SLC35F1: variants seen among roughly 807,000 people sequenced by gnomAD.
SLC35F1 encodes solute carrier family 35 member F1, also known as chromosome 6 open reading frame 169.
Under a neutral mutation model 48.7 loss-of-function variants are expected in SLC35F1, and 14 were observed. That is an observed-to-expected ratio of 0.29 (90% CI 0.19 to 0.45). The LOEUF is 0.45. Ranked by LOEUF, SLC35F1 falls within the 20% of genes least tolerant of loss-of-function variation. SLC35F1 has a pLI of 1.00. For synonymous variants in SLC35F1, 190 were observed against 202.2 expected, an observed-to-expected ratio of 0.94 and a Z score of 0.51; for missense variants, 404 against 500.0, an observed-to-expected ratio of 0.81 and a Z score of 1.83.
chr6:117,989,124 A>C (rs746770391), intron 1 of SLC35F1, among the ~76,000 whole-genome samples: 42 of 152,142 alleles, frequency 2.8e-4, no homozygotes, highest in Non-Finnish European at 4.4e-4. Flanking sequence ...TCACCTCTGA[A>C]AGGGTCATTG....
intron 1 of SLC35F1, among the ~76,000 whole-genome samples, chr6:118,120,497 G>A (rs1296266088): frequency 6.6e-6 from 1 of 152,076 alleles, no homozygotes; most frequent in African/African-American, 2.4e-5. Context: ...AAACTTAGGA[G>A]GGAAAGATTT....
At chr6:118,072,357 G>T (rs894471111) in intron 1 of SLC35F1, among the ~76,000 whole-genome samples, 1 of 152,144 alleles carries the variant, frequency 6.6e-6, no homozygotes, top group Non-Finnish European at 1.5e-5. Flanking sequence ...GAGGTCAGGA[G>T]ATCGAGACCA....
In SLC35F1 at chr6:117,995,241, G is replaced by T. The variant is rs376196903; in HGVS notation, c.173+87342G>T. Among the ~76,000 whole-genome samples the T allele has an allele frequency of 8.5e-5, 13 of 152,272 alleles. No individual in the cohort carries two copies. The East Asian group carries it at 1.5e-3, about 18-fold the overall frequency. On this transcript the variant is annotated intron_variant, in intron 1 of 7. Transcript: ENST00000360388. ...TTCTGCCATTTTCTACCACTGAAAT[G>T]TATTATAAAGCTGAGCATGTATTTT...
chr6:118,270,004 G>A (rs987150208), intron 4 of SLC35F1, among the ~76,000 whole-genome samples: 7 of 152,156 alleles, frequency 4.6e-5, no homozygotes, highest in African/African-American at 1.4e-4. Flanking sequence ...CTCTAGCCTG[G>A]GCAACAGAGC....
intron 1 of SLC35F1, among the ~76,000 whole-genome samples, chr6:118,096,335 G>A (rs1181490883): frequency 2.6e-4 from 40 of 152,146 alleles, no homozygotes; most frequent in African/African-American, 4.8e-5. Flanking sequence ...TTTAGTTAAC[G>A]CATAGCAGAA....
intron 1 of SLC35F1, among the ~76,000 whole-genome samples, chr6:117,948,897 T>A (rs1776327284): frequency 6.6e-6 from 1 of 151,910 alleles, no homozygotes; most frequent in Non-Finnish European, 1.5e-5. Flanking sequence ...CAGCAAAAGA[T>A]ATTCCAAGCA....
At chr6:118,092,530 G>C (rs140101153) in intron 1 of SLC35F1, among the ~76,000 whole-genome samples, 1,698 of 152,294 alleles carry the variant, frequency 0.011, 27 homozygotes, top group African/African-American at 0.039. Flanking sequence ...GTAGAGCTGT[G>C]AGAAGAGGGC....
At chr6:117,999,047 C>T (rs529646248) in intron 1 of SLC35F1, 33 of 1,477,078 alleles carry the variant, frequency 2.2e-5, no homozygotes, top group Admixed American at 1.5e-4. Flanking sequence ...CAAGAAACCC[C>T]GATCACAAAG....
At chr6:118,216,371 T>A (rs1448533640) in intron 2 of SLC35F1, among the ~76,000 whole-genome samples, 2 of 151,558 alleles carry the variant, frequency 1.3e-5, no homozygotes, top group Non-Finnish European at 2.9e-5. Flanking sequence ...TCAATCACTA[T>A]AGTCTTTAGA....
At chr6:118,144,901 T>C (rs1006139467) in intron 1 of SLC35F1, among the ~76,000 whole-genome samples, 1 of 152,162 alleles carries the variant, frequency 6.6e-6, no homozygotes, top group Non-Finnish European at 1.5e-5. Context: ...TTTCCTTATA[T>C]TTTTCTTCTC....
chr6:117,967,532 C>T (rs1193402574), intron 1 of SLC35F1, among the ~76,000 whole-genome samples: 3 of 152,112 alleles, frequency 2.0e-5, no homozygotes, highest in Non-Finnish European at 4.4e-5. Context: ...CTTAACACTT[C>T]AAGATAACGT....
At chr6:117,985,608 G>T (rs1485252487) in intron 1 of SLC35F1, among the ~76,000 whole-genome samples, 2 of 9,566 alleles carry the variant, frequency 2.1e-4, no homozygotes, top group Non-Finnish European at 4.4e-4. Flanking sequence ...TAGTTGAGTG[G>T]CATAACTATC....
intron 1 of SLC35F1, among the ~76,000 whole-genome samples, chr6:118,049,302 G>T (rs1448617208): frequency 2.6e-5 from 4 of 152,108 alleles, no homozygotes; most frequent in Non-Finnish European, 5.9e-5. Context: ...ACATAGGCAT[G>T]GGCAAGGACT....
At chr6:118,045,170 G>A (rs1772283190) in intron 1 of SLC35F1, among the ~76,000 whole-genome samples, 1 of 152,112 alleles carries the variant, frequency 6.6e-6, no homozygotes, top group African/African-American at 2.4e-5. Context: ...TTGACTTTGT[G>A]ATGTCAGAAT....
chr6:117,921,184 GAGTT>G (rs1775894437), intron 1 of SLC35F1, among the ~76,000 whole-genome samples: 1 of 152,042 alleles, frequency 6.6e-6, no homozygotes, highest in African/African-American at 2.4e-5. Flanking sequence ...GAGAGCTCAA[GAGTT>G]AGTTCAAGAA....
intron 1 of SLC35F1, among the ~76,000 whole-genome samples, chr6:118,084,560 C>G (rs1772957483): frequency 6.6e-6 from 1 of 152,052 alleles, no homozygotes. Context: ...GGAGATGAGG[C>G]AGGAACAAAA....
intron 2 of SLC35F1, among the ~76,000 whole-genome samples, chr6:118,188,339 C>T (rs1774687364): frequency 6.6e-6 from 1 of 152,200 alleles, no homozygotes; most frequent in African/African-American, 2.4e-5. Flanking sequence ...CACCCGAAGA[C>T]AGGCGTTCGA....
chr6:118,239,282 A>C (rs1222560131), intron 3 of SLC35F1, among the ~76,000 whole-genome samples: 1 of 150,254 alleles, frequency 6.7e-6, no homozygotes, highest in African/African-American at 2.5e-5. Context: ...AATTGTATAC[A>C]TTGATTTCCA....
At chr6:118,015,645 C>T (rs1163618840) in intron 1 of SLC35F1, among the ~76,000 whole-genome samples, 2 of 152,118 alleles carry the variant, frequency 1.3e-5, no homozygotes, top group Non-Finnish European at 2.9e-5. Context: ...TACTTCTTTT[C>T]ACCCATTCTG....
Sources: gnomAD v4.1 joint callset for allele counts (sites outside exome capture counted in the v4.1 genomes callset) on GRCh38, gnomAD v4.1.1 for gene constraint, MANE v1.5 for transcripts, NCBI Gene and HGNC (gene_info 2026-07-23, HGNC 2026-07-21) for gene names.